Variants in YTHDC1 observed in about 807,000 individuals in gnomAD.
YTHDC1 encodes the protein YTH N6-methyladenosine RNA binding protein C1, also known as YTH domain-containing protein 1.
In YTHDC1, 12 loss-of-function variants were observed where a neutral mutation model predicts 107.0. That is an observed-to-expected ratio of 0.11 (90% CI 0.07 to 0.18). The LOEUF (loss-of-function observed/expected upper bound fraction) is 0.18. Among genes scored for constraint, YTHDC1 ranks in the 10% least tolerant of loss-of-function variants. YTHDC1 has a pLI of 1.00. For missense variants in YTHDC1, 635 were observed against 898.8 expected (o/e 0.71, Z 3.75); for synonymous variants, 280 against 289.5 (o/e 0.97, Z 0.33).
chr4:68,318,989 C>CTTAATT, intron 12 of YTHDC1, 127 bp from the exon 13 acceptor site: 1 of 909,366 alleles, frequency 1.1e-6, no homozygotes, highest in Non-Finnish European at 1.7e-6. Flanking sequence ...GATGCTACTA[C>CTTAATT]TGTATTATCC....
intron 1 of YTHDC1, among the ~76,000 whole-genome samples, chr4:68,349,442 G>A (rs1417912688): frequency 6.6e-6 from 1 of 152,134 alleles, no homozygotes; most frequent in Non-Finnish European, 1.5e-5. Context: ...AACTCAGAAA[G>A]GGCCCCTCTC....
At chr4:68,338,226 T>C (rs992588937) in intron 2 of YTHDC1, 57 bp downstream of exon 2, 36 of 1,458,720 alleles carry the variant, frequency 2.5e-5, no homozygotes, top group African/African-American at 8.6e-5. Flanking sequence ...TTTTAAGAAA[T>C]TGAATCTCCT....
At chr4:68,346,953 T>C (rs752448903) in intron 1 of YTHDC1, among the ~76,000 whole-genome samples, 2 of 152,176 alleles carry the variant, frequency 1.3e-5, no homozygotes, top group Admixed American at 6.5e-5. Context: ...ATAAGGCTGG[T>C]AGAGGTTGGG....
chr4:68,330,134 T>A lies in YTHDC1; in HGVS notation c.1232-15A>T, dbSNP rs776293426. 1.2e-6 allele frequency: 2 copies of A among 1,602,086 alleles called. No homozygotes were observed. Among genetic ancestry groups the A allele is most frequent in the South Asian group, 1.1e-5 (1 of 90,450 alleles). On this transcript the variant is annotated splice_polypyrimidine_tract_variant and intron_variant, in intron 8 of 16. Transcript: ENST00000344157. ...TCTTGCAAACCCTAAGAGAATCATA[T>A]CATAATATAATATGTAGATGCTAAT...
intron 9 of YTHDC1, among the ~76,000 whole-genome samples, chr4:68,325,169 AT>A (rs1259914124): frequency 6.6e-6 from 1 of 152,248 alleles, no homozygotes; most frequent in African/African-American, 2.4e-5. Flanking sequence ...GACGAGAAAG[AT>A]AAGAGTTTGC....
intron 9 of YTHDC1, among the ~76,000 whole-genome samples, chr4:68,327,641 A>C (rs944413918): frequency 7.2e-5 from 11 of 152,216 alleles, no homozygotes; most frequent in African/African-American, 2.7e-4. Context: ...ATATAAATCT[A>C]ATAATTATTA....
At chr4:68,334,161 C>T (rs1221482606) in intron 4 of YTHDC1, among the ~76,000 whole-genome samples, 3 of 150,788 alleles carry the variant, frequency 2.0e-5, no homozygotes, top group African/African-American at 5.0e-5. Flanking sequence ...TGGAATTCAG[C>T]TCTCCTATCT....
chr4:68,339,774 TA>T (rs1009999116), intron 1 of YTHDC1, among the ~76,000 whole-genome samples: 1 of 151,864 alleles, frequency 6.6e-6, no homozygotes, highest in Non-Finnish European at 1.5e-5. Context: ...TGCTATATAA[TA>T]AAAAAAACAT....
chr4:68,324,753 C>T lies in YTHDC1; in HGVS notation c.1350-530G>A, dbSNP rs112369165. Among the ~76,000 whole-genome samples, 417 of 152,194 alleles carry T rather than the reference C, an allele frequency of 2.7e-3. 1 individual carries two copies. Among genetic ancestry groups the T allele is most frequent in the African/African-American group, 3.6e-3 (149 of 41,518 alleles). On this transcript the variant is annotated intron_variant, in intron 9 of 16. Coordinates refer to ENST00000344157, the MANE Select transcript of YTHDC1 (RefSeq NM_001031732.4). Reference sequence around the variant, plus strand: ...TTCAATATGGCAATACTCTTCACTACGCATAGAATGGCTTGAGTTGTACAA... The same window carrying T: ...TTCAATATGGCAATACTCTTCACTATGCATAGAATGGCTTGAGTTGTACAA...
chr4:68,320,090 A>C (rs1384092806), intron 12 of YTHDC1, 33 bp downstream of exon 12: 4 of 1,522,810 alleles, frequency 2.6e-6, no homozygotes, highest in Non-Finnish European at 3.6e-6. Context: ...AATAATTTGA[A>C]ATCAAATATC....
chr4:68,348,115 G>T (rs1417081678), intron 1 of YTHDC1, among the ~76,000 whole-genome samples: 3 of 152,122 alleles, frequency 2.0e-5, no homozygotes, highest in African/African-American at 4.8e-5. Flanking sequence ...TATGTATTTG[G>T]ACTGCATTAT....
At chr4:68,326,752 G>A (rs968873999) in intron 9 of YTHDC1, among the ~76,000 whole-genome samples, 8 of 151,558 alleles carry the variant, frequency 5.3e-5, no homozygotes, top group Non-Finnish European at 1.0e-4. Context: ...CACCACATCT[G>A]GCTAATTTTT....
Position 68,337,373 on chromosome 4 carries a change from A to G in YTHDC1, c.537T>C (p.Tyr179=). ...SSKEEVNSEE[Y]GSDHETGSSG... is the part of the protein sequence containing the mutation. Reference sequence around the variant, plus strand: ...TGCTGCCAGTCTCATGGTCAGAGCCATATTCTTCAGAGTTCACTTCTTCCT... The same window carrying G: ...TGCTGCCAGTCTCATGGTCAGAGCCGTATTCTTCAGAGTTCACTTCTTCCT... Residue 179 remains tyrosine (Y), a synonymous_variant, in exon 4 of 17, where the codon TAT becomes TAC. Coordinates refer to ENST00000344157, the MANE Select transcript of YTHDC1 (RefSeq NM_001031732.4). 6.2e-7 allele frequency: 1 copy of G among 1,614,138 alleles called. No individual in the cohort carries two copies. The highest frequency in any genetic ancestry group is 1.6e-4 in the Middle Eastern group (1 of 6,062).
In YTHDC1 at chr4:68,344,758, G is replaced by A. The variant is rs542344736; in HGVS notation, c.28+4968C>T. On this transcript the variant is annotated intron_variant, in intron 1 of 16. Transcript: ENST00000344157. ...AAGGATATAAAAAGAGTAACAGGTC[G>A]GGCATGGTGGTTCACACTTGTAATC... Among the ~76,000 whole-genome samples, 9 of 152,294 alleles carry A rather than the reference G, an allele frequency of 5.9e-5. No individual in the cohort carries two copies. The South Asian group carries it at 1.2e-3, about 21-fold the overall frequency.
rs559131260 is a variant in YTHDC1 at position 68,314,175 on chromosome 4, C to T, written c.2108G>A (p.Arg703His). 2.5e-6 allele frequency: 4 copies of T among 1,613,690 alleles called. No individual in the cohort carries two copies. The highest frequency in any genetic ancestry group is 2.2e-5 in the East Asian group (1 of 44,846). Residue 703 changes from arginine (R) to histidine (H), a missense_variant, in exon 17 of 17, where the codon CGT becomes CAT. By Grantham distance (29) the Arg-to-His change is conservative. This residue lies in a region of YTHDC1 where 256 missense variants were observed against 372.9 expected (regional missense o/e 0.69). Transcript: ENST00000344157. ...NRRDRERDRG[R>H]DRERERERLC... ...TCGCTCTCTTTCTCTTTCTCTATCA[C>T]GTCCTCTATCTCGCTCTCTGTCTCG...
intron 9 of YTHDC1, among the ~76,000 whole-genome samples, chr4:68,327,187 G>A (rs1306004075): frequency 3.3e-5 from 5 of 152,018 alleles, no homozygotes; most frequent in Non-Finnish European, 7.4e-5. Context: ...GGTGAGCCGA[G>A]ATTGCGCCAT....
intron 11 of YTHDC1, 69 bp from the exon 12 acceptor site, chr4:68,320,274 T>C: frequency 1.7e-6 from 2 of 1,157,972 alleles, no homozygotes; most frequent in Non-Finnish European, 2.5e-6. Flanking sequence ...AAGCAAGAGT[T>C]TCTGACAGAG....
chr4:68,322,635 T>G lies in YTHDC1; in HGVS notation c.1601+114A>C. On this transcript the variant is annotated intron_variant, in intron 11 of 16. Transcript: ENST00000344157. This position sits in a 1 kb window ranked among gnomAD's most constrained non-coding sequence, Gnocchi z 4.8. ...CCACAAACTAGTCCATGCAGCTTGA[T>G]TTGAGGATTTTCTCTTTCTTCTTTA... The G allele has an allele frequency of 7.7e-7, 1 of 1,303,288 alleles. No homozygotes were observed. The highest frequency in any genetic ancestry group is 1.0e-6 in the Non-Finnish European group (1 of 962,782). 80.7% of individuals were successfully genotyped at this position (1,303,288 alleles called of 1,614,324 possible). A position where few individuals can be genotyped will look rare whatever the true frequency, so the allele number is the denominator to read the frequency against.
At chr4:68,331,392 A>C (rs973846316) in intron 7 of YTHDC1, among the ~76,000 whole-genome samples, 2 of 152,098 alleles carry the variant, frequency 1.3e-5, no homozygotes, top group Non-Finnish European at 2.9e-5. Flanking sequence ...GTAGTCCTTA[A>C]GGTAGAAATA....
Sources: allele counts gnomAD v4.1 joint callset (sites outside exome capture counted in the v4.1 genomes callset), GRCh38; gene constraint gnomAD v4.1.1; regional missense constraint gnomAD v4.1.1; non-coding constraint Gnocchi (gnomAD v3.1); transcripts MANE v1.5; gene names NCBI Gene and HGNC (gene_info 2026-07-23, HGNC 2026-07-21).